The following DPP10 variants were observed in gnomAD, a reference collection of about 807,000 sequenced individuals.
DPP10 encodes inactive dipeptidyl peptidase 10.
DPP10 carries 33 observed loss-of-function variants against 120.9 expected under a neutral mutation model. The observed-to-expected ratio is 0.27, with a 90% CI of 0.21 to 0.37. DPP10 has a LOEUF of 0.37. Among genes scored for constraint, DPP10 ranks in the 10% least tolerant of loss-of-function variants. The pLI, the probability that DPP10 is intolerant of heterozygous loss-of-function variation, is 1.00. For synonymous variants in DPP10, 337 were observed against 326.1 expected, an observed-to-expected ratio of 1.03 and a Z score of -0.36; for missense variants, 816 against 942.8, an observed-to-expected ratio of 0.87 and a Z score of 1.76.
At chr2:115,244,237 T>TAGAG (rs1380545879) in intron 1 of DPP10, among the ~76,000 whole-genome samples, 24 of 67,092 alleles carry the variant, frequency 3.6e-4, no homozygotes, top group African/African-American at 8.7e-4. Flanking sequence ...TATATATATA[T>TAGAG]ATAGAGAGAG....
intron 1 of DPP10, among the ~76,000 whole-genome samples, chr2:114,952,140 C>G (rs532327835): frequency 6.6e-6 from 1 of 151,932 alleles, no homozygotes; most frequent in Admixed American, 6.6e-5. Context: ...TCAGAAGATA[C>G]TTTTAGTGTT....
chr2:115,582,227 G>C (rs576735899), intron 5 of DPP10, among the ~76,000 whole-genome samples: 1 of 151,946 alleles, frequency 6.6e-6, no homozygotes, highest in South Asian at 2.1e-4. Flanking sequence ...GCCTGCCAGC[G>C]TGTCGGAGGT....
At chr2:115,378,859 G>C (rs891533543) in intron 3 of DPP10, among the ~76,000 whole-genome samples, 36 of 152,156 alleles carry the variant, frequency 2.4e-4, no homozygotes, top group African/African-American at 8.2e-4. Context: ...TACTTTTATT[G>C]ATTTGCATAT....
chr2:115,810,087 G>T (rs912362880), intron 19 of DPP10, among the ~76,000 whole-genome samples: 1 of 151,790 alleles, frequency 6.6e-6, no homozygotes, highest in East Asian at 1.9e-4. Flanking sequence ...TGCTGAACCC[G>T]GGAGGCGGAT....
At chr2:115,494,958 G>A (rs1575014030) in intron 3 of DPP10, among the ~76,000 whole-genome samples, 2 of 151,978 alleles carry the variant, frequency 1.3e-5, no homozygotes, top group African/African-American at 4.8e-5. Flanking sequence ...TAAATTAGCC[G>A]TTAGCAAGAC....
intron 7 of DPP10, among the ~76,000 whole-genome samples, chr2:115,719,911 A>G (rs2092602553): frequency 1.3e-5 from 2 of 152,174 alleles, no homozygotes; most frequent in Admixed American, 1.3e-4. Context: ...ACCAGTAACT[A>G]TTTACCCACA....
intron 1 of DPP10, among the ~76,000 whole-genome samples, chr2:114,553,831 A>G (rs1305598521): frequency 6.6e-6 from 1 of 152,240 alleles, no homozygotes; most frequent in Non-Finnish European, 1.5e-5. Context: ...CCTTTGAATT[A>G]TTCAGCAATA....
intron 3 of DPP10, among the ~76,000 whole-genome samples, chr2:115,380,915 G>T (rs927484854): frequency 9.2e-5 from 14 of 152,192 alleles, no homozygotes; most frequent in Non-Finnish European, 1.9e-4. Flanking sequence ...TTTCTGCCTA[G>T]AGATCCGCTG....
At chr2:115,077,389 T>TA (rs1707894737) in intron 1 of DPP10, among the ~76,000 whole-genome samples, 1 of 152,186 alleles carries the variant, frequency 6.6e-6, no homozygotes, top group Non-Finnish European at 1.5e-5. Flanking sequence ...GAGGGATACA[T>TA]AAAATTCTGC....
rs70941010 is a variant in DPP10, at chr2:114,831,022, ATTTTTTTTTTTTT to A, written c.60+388208_60+388220del. 6.1e-3 allele frequency among the ~76,000 whole-genome samples: 280 copies of A among 45,958 alleles called. 1 individual carries two copies. Among genetic ancestry groups the A allele is most frequent in the African/African-American group, 0.023 (261 of 11,598 alleles). The allele number at this position is 45,958 out of a possible 152,430, so 30.2% of individuals were successfully genotyped here. ...GGAATATTTAAACATCCATGCAAAGATTTTTTTTTTTTTTTTTTTTTTTTTTTTTTTTTTTTGC... is the reference window on the plus strand; with the variant it reads ...GGAATATTTAAACATCCATGCAAAGATTTTTTTTTTTTTTTTTTTTTTTGC... On this transcript the variant is annotated intron_variant, in intron 1 of 25. Coordinates refer to ENST00000410059, the MANE Select transcript of DPP10 (RefSeq NM_020868.6).
chr2:114,872,275 G>T (rs1395754130), intron 1 of DPP10, among the ~76,000 whole-genome samples: 1 of 152,154 alleles, frequency 6.6e-6, no homozygotes, highest in African/African-American at 2.4e-5. Flanking sequence ...GGAGAGAGAA[G>T]TGCTCAGCGG....
At chr2:114,600,207 T>C (rs1196504295) in intron 1 of DPP10, among the ~76,000 whole-genome samples, 1 of 151,714 alleles carries the variant, frequency 6.6e-6, no homozygotes, top group Admixed American at 6.6e-5. Context: ...TTAGATTCTG[T>C]TAATGTTTAA....
chr2:115,613,240 G>T (rs1373034704), intron 5 of DPP10, among the ~76,000 whole-genome samples: 1 of 152,116 alleles, frequency 6.6e-6, no homozygotes, highest in Non-Finnish European at 1.5e-5. Flanking sequence ...GTGTGATTTG[G>T]TGCTTGACCA....
At chr2:114,564,536 C>T (rs893515854) in intron 1 of DPP10, among the ~76,000 whole-genome samples, 1 of 152,116 alleles carries the variant, frequency 6.6e-6, no homozygotes, top group African/African-American at 2.4e-5. Context: ...CCCGGCAGAT[C>T]ACAGGCCTTC....
intron 7 of DPP10, among the ~76,000 whole-genome samples, chr2:115,719,419 T>C (rs1050499711): frequency 1.3e-5 from 2 of 152,174 alleles, no homozygotes; most frequent in African/African-American, 4.8e-5. Flanking sequence ...GAATGTCAGG[T>C]ACTGATGCAA....
At chr2:114,868,856 C>A (rs1355428216) in intron 1 of DPP10, among the ~76,000 whole-genome samples, 1 of 152,098 alleles carries the variant, frequency 6.6e-6, no homozygotes, top group Non-Finnish European at 1.5e-5. Context: ...TAGGGTCAAC[C>A]AGAGCTGGCT....
At chr2:114,971,931 C>T (rs1448284532) in intron 1 of DPP10, among the ~76,000 whole-genome samples, 2 of 152,188 alleles carry the variant, frequency 1.3e-5, no homozygotes, top group African/African-American at 4.8e-5. Flanking sequence ...CAGGACTCAT[C>T]ATGGATGGTG....
At chr2:115,739,525 T>G (rs1676991203) in intron 8 of DPP10, among the ~76,000 whole-genome samples, 1 of 152,140 alleles carries the variant, frequency 6.6e-6, no homozygotes, top group South Asian at 2.1e-4. Flanking sequence ...AAATCCTGAC[T>G]TAGGTGCTTC....
intron 1 of DPP10, among the ~76,000 whole-genome samples, chr2:115,016,080 C>T (rs11896950): frequency 0.018 from 2,665 of 152,260 alleles, 71 homozygotes; most frequent in African/African-American, 0.06. Context: ...GGAAGCATCA[C>T]GCTTCCTGAC....
Sources: allele counts gnomAD v4.1 joint callset (sites outside exome capture counted in the v4.1 genomes callset), GRCh38; gene constraint gnomAD v4.1.1; transcripts MANE v1.5; gene names NCBI Gene and HGNC (gene_info 2026-07-23, HGNC 2026-07-21).